Variants in PTPRD observed in about 807,000 individuals in gnomAD.
PTPRD encodes receptor-type tyrosine-protein phosphatase delta.
A neutral mutation model predicts 214.5 loss-of-function variants in PTPRD; 34 were observed. That is an observed-to-expected ratio of 0.16 (90% confidence interval 0.12 to 0.21). PTPRD has a LOEUF of 0.21. Among genes scored for constraint, PTPRD ranks in the 10% least tolerant of loss-of-function variants. The pLI is 1.00. For missense variants in PTPRD, 2,545 were observed against 2,398.7 expected (o/e 1.06, Z -1.27); for synonymous variants, 1,128 against 845.7 (o/e 1.33, Z -5.79).
rs75858164 is a variant in PTPRD at position 10,391,184 on chromosome 9, T to C, written c.-599-50167A>G. Among the ~76,000 whole-genome samples the C allele has an allele frequency of 2.0e-5, 3 of 151,938 alleles. No individual in the cohort carries two copies. In the East Asian group the frequency reaches 5.9e-4, roughly 30 times the overall value. On this transcript the variant is annotated intron_variant, in intron 2 of 45. Transcript: ENST00000381196. ...GGAGTAATTCTCTTTTTAGGTATCT[T>C]AAAAATTATTATATGGAAGGCAGAG... is the stretch of plus-strand genomic sequence containing the variant.
intron 7 of PTPRD, among the ~76,000 whole-genome samples, chr9:9,709,051 T>G (rs2097678407): frequency 6.6e-6 from 1 of 152,002 alleles, no homozygotes. Flanking sequence ...AGTGAATGAA[T>G]GTCAATAGTT....
chr9:10,249,673 A>T (rs2092587989), intron 3 of PTPRD, among the ~76,000 whole-genome samples: 1 of 152,134 alleles, frequency 6.6e-6, no homozygotes, highest in South Asian at 2.1e-4. Context: ...GTCTTATGAG[A>T]AGCACTAATG....
chr9:8,606,998 T>C (rs982178996), intron 14 of PTPRD, among the ~76,000 whole-genome samples: 2 of 152,114 alleles, frequency 1.3e-5, no homozygotes, highest in African/African-American at 4.8e-5. Flanking sequence ...AGCAGACACA[T>C]AAATCAATGG....
intron 5 of PTPRD, among the ~76,000 whole-genome samples, chr9:9,808,028 T>C (rs374685679): frequency 6.6e-6 from 1 of 152,124 alleles, no homozygotes; most frequent in African/African-American, 2.4e-5. Context: ...TTTTTCTAAA[T>C]GAGAAAGGAG....
chr9:10,207,905 A>T (rs1196575020), intron 3 of PTPRD, among the ~76,000 whole-genome samples: 1 of 152,206 alleles, frequency 6.6e-6, no homozygotes, highest in East Asian at 1.9e-4. Flanking sequence ...GGAAAAAAGT[A>T]ATTTACCTAT....
intron 12 of PTPRD, among the ~76,000 whole-genome samples, chr9:8,732,946 G>A (rs1024564267): frequency 3.3e-5 from 5 of 152,150 alleles, no homozygotes; most frequent in Non-Finnish European, 7.3e-5. Flanking sequence ...CAAAGAAAAT[G>A]GCTAACTCAT....
intron 2 of PTPRD, among the ~76,000 whole-genome samples, chr9:10,510,839 T>G (rs973233617): frequency 2.6e-5 from 4 of 152,080 alleles, no homozygotes; most frequent in Non-Finnish European, 5.9e-5. Context: ...TAACCAACCC[T>G]TCTTCATCCT....
At chr9:10,106,687 GA>G (rs550763134) in intron 3 of PTPRD, among the ~76,000 whole-genome samples, 8 of 150,440 alleles carry the variant, frequency 5.3e-5, no homozygotes, top group South Asian at 2.1e-4. Flanking sequence ...GATGTATTTA[GA>G]AAAAAAAATT....
At chr9:10,238,167 G>T (rs928169077) in intron 3 of PTPRD, among the ~76,000 whole-genome samples, 2 of 53,762 alleles carry the variant, frequency 3.7e-5, no homozygotes, top group African/African-American at 8.1e-5. Flanking sequence ...GGGTCATTTT[G>T]TCATACCTGC....
chr9:10,326,134 A>G lies in PTPRD; in HGVS notation c.-545+14829T>C, dbSNP rs143952103. The stretch of plus-strand genomic sequence containing the variant: ...AAAAACCAAACAAAACTAAAAAACA[A>G]TCTACCATATTTGATTGGACAATTT... On this transcript the variant is annotated intron_variant, in intron 3 of 45. Transcript: ENST00000381196. 5.6e-3 allele frequency among the ~76,000 whole-genome samples: 843 copies of G among 151,874 alleles called. 11 individuals carry two copies. The highest frequency in any genetic ancestry group is 0.019 in the African/African-American group (792 of 41,544).
intron 2 of PTPRD, among the ~76,000 whole-genome samples, chr9:10,572,329 T>C (rs148956236): frequency 7.2e-5 from 11 of 152,294 alleles, no homozygotes; most frequent in African/African-American, 2.6e-4. Context: ...ATTTATATTA[T>C]CTAATAAGTG....
At chr9:8,686,409 T>G (rs955606654) in intron 12 of PTPRD, among the ~76,000 whole-genome samples, 2 of 152,158 alleles carry the variant, frequency 1.3e-5, no homozygotes, top group Admixed American at 6.6e-5. Context: ...ATTCTCCATG[T>G]TTAGGTCCAC....
chr9:10,584,214 G>A (rs1483036586), intron 2 of PTPRD, among the ~76,000 whole-genome samples: 1 of 151,734 alleles, frequency 6.6e-6, no homozygotes, highest in Admixed American at 6.6e-5. Context: ...AAAAAGAAAG[G>A]CTCTTATCTC....
intron 41 of PTPRD, among the ~76,000 whole-genome samples, chr9:8,340,715 G>A (rs988240254): frequency 1.3e-4 from 20 of 151,728 alleles, no homozygotes; most frequent in South Asian, 6.3e-4. Flanking sequence ...GAATTTTAGC[G>A]CAATGCTAAT....
intron 11 of PTPRD, among the ~76,000 whole-genome samples, chr9:8,853,136 T>C (rs946287696): frequency 2.0e-5 from 3 of 152,320 alleles, no homozygotes; most frequent in Middle Eastern, 3.4e-3. Context: ...TTCAGTGTAA[T>C]CTTTTGAACT....
At chr9:9,407,147 A>G (rs551621253) in intron 8 of PTPRD, among the ~76,000 whole-genome samples, 29 of 151,906 alleles carry the variant, frequency 1.9e-4, no homozygotes, top group African/African-American at 7.0e-4. Flanking sequence ...AATACTGTAG[A>G]TTGGCTTATC....
At chr9:8,561,354 GC>G (rs1464651508) in intron 14 of PTPRD, among the ~76,000 whole-genome samples, 1 of 152,010 alleles carries the variant, frequency 6.6e-6, no homozygotes, top group Non-Finnish European at 1.5e-5. Flanking sequence ...CCCCACCGCT[GC>G]CCCTGACTGT....
At chr9:10,084,571 G>T (rs2098297455) in intron 3 of PTPRD, among the ~76,000 whole-genome samples, 2 of 151,864 alleles carry the variant, frequency 1.3e-5, no homozygotes, top group Admixed American at 6.6e-5. Context: ...CTTAGATATT[G>T]ATATTAATTT....
chr9:9,333,193 G>A (rs999047023), intron 9 of PTPRD, among the ~76,000 whole-genome samples: 3 of 151,812 alleles, frequency 2.0e-5, no homozygotes, highest in African/African-American at 7.3e-5. Flanking sequence ...ATAATCAGAA[G>A]AGCAAGATCA....
Sources: allele counts gnomAD v4.1 joint callset (sites outside exome capture counted in the v4.1 genomes callset), GRCh38; gene constraint gnomAD v4.1.1; transcripts MANE v1.5; gene names NCBI Gene and HGNC (gene_info 2026-07-23, HGNC 2026-07-21).